Variants in MAGEC3 observed in about 807,000 individuals in gnomAD.
MAGEC3 encodes melanoma-associated antigen C3.
Under a neutral mutation model 35.3 loss-of-function variants are expected in MAGEC3, and 34 were observed. That is an observed-to-expected ratio of 0.96 (90% CI 0.73 to 1.28). The LOEUF is 1.28. MAGEC3 is among the 50% of genes most tolerant of loss of function. MAGEC3 has a pLI of 0.00. For missense variants in MAGEC3, 561 were observed against 483.6 expected, an observed-to-expected ratio of 1.16 and a Z score of -1.50; for synonymous variants, 202 against 185.6, an observed-to-expected ratio of 1.09 and a Z score of -0.72.
chrX:141,850,021 C>T lies in MAGEC3; in HGVS notation c.123+11583C>T, dbSNP rs764973705. On this transcript the variant is annotated intron_variant, in intron 1 of 7. Coordinates refer to ENST00000298296, the MANE Select transcript of MAGEC3 (RefSeq NM_138702.1). Reference sequence around the variant, plus strand: ...GATTTTTTAAAATGTGGTACATGTACATCATGGAATACTATGCAGCTATAA... The same window carrying T: ...GATTTTTTAAAATGTGGTACATGTATATCATGGAATACTATGCAGCTATAA... 2.2e-3 allele frequency among the ~76,000 whole-genome samples: 244 copies of T among 111,458 alleles called. 1 individual carries two copies. The highest frequency in any genetic ancestry group is 0.014 in the Middle Eastern group (3 of 217).
intron 2 of MAGEC3, among the ~76,000 whole-genome samples, chrX:141,876,127 G>A (rs757264583): frequency 2.7e-5 from 3 of 112,097 alleles, no homozygotes; most frequent in Non-Finnish European, 5.6e-5. Context: ...TATGTGGAGA[G>A]GAAAATAAAC....
intron 2 of MAGEC3, among the ~76,000 whole-genome samples, chrX:141,878,101 G>A (rs1355711906): frequency 8.9e-6 from 1 of 111,811 alleles, no homozygotes; most frequent in Admixed American, 9.5e-5. Flanking sequence ...GACATTTCTC[G>A]ATTTTGAAAA....
intron 4 of MAGEC3, among the ~76,000 whole-genome samples, chrX:141,887,947 A>G (rs970204412): frequency 1.8e-4 from 20 of 112,126 alleles, no homozygotes; most frequent in African/African-American, 6.5e-4. Context: ...AGGTCATCAA[A>G]TCACCATGCA....
At chrX:141,869,044 G>C (rs2017870145) in intron 2 of MAGEC3, among the ~76,000 whole-genome samples, 1 of 108,415 alleles carries the variant, frequency 9.2e-6, no homozygotes, top group Non-Finnish European at 1.9e-5. Context: ...ACCCCACCTG[G>C]CTAATTTTTT....
At chrX:141,853,833 C>G (rs2017765182) in intron 1 of MAGEC3, among the ~76,000 whole-genome samples, 1 of 111,351 alleles carries the variant, frequency 9.0e-6, no homozygotes, top group South Asian at 3.7e-4. Context: ...TCCTGATAAA[C>G]AGAAGTTAAT....
chrX:141,896,424 C>G, intron 6 of MAGEC3: 1 of 1,135,348 alleles, frequency 8.8e-7, no homozygotes, highest in Non-Finnish European at 1.2e-6. Flanking sequence ...CTCACATCCT[C>G]CTACAGGTTC....
chrX:141,859,502 A>G (rs186316509), intron 1 of MAGEC3, among the ~76,000 whole-genome samples: 1 of 111,732 alleles, frequency 8.9e-6, no homozygotes, highest in East Asian at 2.8e-4. Flanking sequence ...CTTGGACATT[A>G]CAGATATTAA....
intron 1 of MAGEC3, among the ~76,000 whole-genome samples, chrX:141,856,527 A>G (rs1267470040): frequency 9.0e-6 from 1 of 110,815 alleles, no homozygotes; most frequent in Non-Finnish European, 1.9e-5. Flanking sequence ...TGATATTTCA[A>G]TACATGTGTA....
chrX:141,855,905 CA>C (rs1230804370), intron 1 of MAGEC3, among the ~76,000 whole-genome samples: 1 of 111,256 alleles, frequency 9.0e-6, no homozygotes, highest in Admixed American at 9.6e-5. Flanking sequence ...TTGAAAGAAA[CA>C]AAAACAGTGC....
At chrX:141,842,801 A>C (rs1195456123) in intron 1 of MAGEC3, among the ~76,000 whole-genome samples, 1 of 111,755 alleles carries the variant, frequency 8.9e-6, no homozygotes, top group South Asian at 3.7e-4. Context: ...AAACATCCCT[A>C]AAACACTTCA....
Position 141,895,349 on chromosome X carries a change from C to T in MAGEC3, c.990C>T (p.Cys330=). 3 of 1,210,759 alleles carry T rather than the reference C, an allele frequency of 2.5e-6. No individual in the cohort carries two copies. Among genetic ancestry groups the T allele is most frequent in the Non-Finnish European group, 3.4e-6 (3 of 895,157 alleles). ...LWESEGPEAF[C]EESGLRSAEG... ...AGTCTGAAGGACCTGAAGCATTTTG[C>T]GAGGAGTCTGGACTCAGGTCAGCAG... Residue 330 remains cysteine, a synonymous_variant, in exon 5 of 8, where the codon TGC becomes TGT. Transcript: ENST00000298296.
intron 1 of MAGEC3, among the ~76,000 whole-genome samples, chrX:141,857,244 A>G (rs1318626473): frequency 9.0e-6 from 1 of 110,995 alleles, no homozygotes; most frequent in Admixed American, 9.6e-5. Context: ...GGGCTCCAGA[A>G]ATAGATCTGC....
intron 1 of MAGEC3, among the ~76,000 whole-genome samples, chrX:141,842,285 TTTGTTTCAATGATTTTGTTGCA>T (rs1292718870): frequency 8.9e-6 from 1 of 112,004 alleles, no homozygotes; most frequent in Admixed American, 9.5e-5. Flanking sequence ...TTGCTCATTT[TTTGTTTCAATGATTTTGTTGCA>T]TTGTTTCAAT....
chrX:141,881,886 AC>A, intron 4 of MAGEC3, 90 bp downstream of exon 4: 2 of 1,089,989 alleles, frequency 1.8e-6, no homozygotes, highest in Non-Finnish European at 2.5e-6. Context: ...TGGAGTAGCG[AC>A]ATGTGCCCAG....
At chrX:141,867,910 C>T (rs2017860392) in intron 2 of MAGEC3, among the ~76,000 whole-genome samples, 1 of 111,842 alleles carries the variant, frequency 8.9e-6, no homozygotes, top group South Asian at 3.7e-4. Flanking sequence ...ATCATGAGGT[C>T]AGGAGATCCA....
chrX:141,849,229 C>T (rs767969060), intron 1 of MAGEC3, among the ~76,000 whole-genome samples: 28 of 110,831 alleles, frequency 2.5e-4, no homozygotes, highest in Non-Finnish European at 4.4e-4. Flanking sequence ...TAGCCATATG[C>T]GGAAGAATGA....
chrX:141,851,741 T>C (rs1368032906), intron 1 of MAGEC3, among the ~76,000 whole-genome samples: 1 of 111,178 alleles, frequency 9.0e-6, no homozygotes, highest in African/African-American at 3.3e-5. Context: ...TTCTTGGCAA[T>C]GAATTGACCA....
chrX:141,877,284 A>T (rs1431608559), intron 2 of MAGEC3, among the ~76,000 whole-genome samples: 1 of 111,768 alleles, frequency 8.9e-6, no homozygotes, highest in Non-Finnish European at 1.9e-5. Context: ...TATTTTAACC[A>T]GCCATCAGCT....
chrX:141,879,196 T>A lies in MAGEC3; in HGVS notation c.280T>A (p.Ser94Thr). 1 of 1,192,000 alleles carries A rather than the reference T, an allele frequency of 8.4e-7. No individual in the cohort carries two copies. Among genetic ancestry groups the A allele is most frequent in the East Asian group, 3.0e-5 (1 of 33,379 alleles). The change falls in exon 3 of 8, where the codon TCC becomes ACC. Residue 94 changes from serine to threonine, a missense_variant. Ser to Thr is a moderately conservative substitution (Grantham distance 58). Coordinates refer to ENST00000298296, the MANE Select transcript of MAGEC3 (RefSeq NM_138702.1). ...YFKLWRTLSG[S>T]PGLQLSDLHF... ...CCAGCTCTGGAGGACCCTATCAGGG[T>A]CCCCAGGTTTACAACTTTCTGACTT...
Sources: gnomAD v4.1 joint callset for allele counts (sites outside exome capture counted in the v4.1 genomes callset) on GRCh38, gnomAD v4.1.1 for gene constraint, MANE v1.5 for transcripts, NCBI Gene and HGNC (gene_info 2026-07-23, HGNC 2026-07-21) for gene names.